The following SPAG16 variants were observed in gnomAD, a reference collection of about 807,000 sequenced individuals.
SPAG16 encodes sperm-associated antigen 16 protein.
SPAG16 carries 86 observed loss-of-function variants against 80.4 expected under a neutral mutation model. The ratio of observed to expected loss-of-function variants is 1.07; its 90% CI spans 0.90 to 1.28. The LOEUF is 1.28. Ranked by LOEUF, SPAG16 falls within the 50% of genes most tolerant of loss-of-function variation. SPAG16 has a pLI of 0.00. For synonymous variants in SPAG16, 294 were observed against 265.9 expected (o/e 1.11, Z -1.03); for missense variants, 870 against 765.3 (o/e 1.14, Z -1.61).
At chr2:213,328,303 G>T (rs993938462) in intron 5 of SPAG16, among the ~76,000 whole-genome samples, 2 of 152,006 alleles carry the variant, frequency 1.3e-5, no homozygotes, top group Admixed American at 1.3e-4. Flanking sequence ...TAAAATGAAT[G>T]TTCTAAGATC....
At chr2:213,382,545 CA>C (rs1228975425) in intron 9 of SPAG16, among the ~76,000 whole-genome samples, 1 of 152,134 alleles carries the variant, frequency 6.6e-6, no homozygotes, top group Non-Finnish European at 1.5e-5. Context: ...CCATAAGGCC[CA>C]AGGAGAATTG....
chr2:213,354,952 A>G (rs1023759074), intron 7 of SPAG16, among the ~76,000 whole-genome samples: 5 of 152,078 alleles, frequency 3.3e-5, no homozygotes, highest in Admixed American at 2.0e-4. Context: ...CCTATGTCCT[A>G]AATGGTATTG....
At chr2:213,940,837 C>T (rs2106286658) in intron 12 of SPAG16, among the ~76,000 whole-genome samples, 1 of 152,044 alleles carries the variant, frequency 6.6e-6, no homozygotes, top group Admixed American at 6.6e-5. Context: ...AACTTCTTAC[C>T]CCTAACTCTT....
In SPAG16 at chr2:214,327,804, T is replaced by A. The variant is rs142586315; in HGVS notation, c.1721-82336T>A. ...GAAAAACTTTGGTATAGATTCTTTTTTATTCAAATGCCCATTATTCTGAAA... is the reference window on the plus strand; with the variant it reads ...GAAAAACTTTGGTATAGATTCTTTTATATTCAAATGCCCATTATTCTGAAA... On this transcript the variant is annotated intron_variant, in intron 15 of 15. Coordinates refer to ENST00000331683, the MANE Select transcript of SPAG16 (RefSeq NM_024532.5). 5.4e-4 allele frequency among the ~76,000 whole-genome samples: 83 copies of A among 152,342 alleles called. 1 individual carries two copies. The East Asian group carries it at 0.013, about 24-fold the overall frequency.
At chr2:213,668,382 A>G (rs2125210158) in intron 10 of SPAG16, among the ~76,000 whole-genome samples, 1 of 152,172 alleles carries the variant, frequency 6.6e-6, no homozygotes, top group East Asian at 1.9e-4. Context: ...AAATTCTATT[A>G]AAACAATTCA....
chr2:214,061,681 A>T (rs955317727), intron 13 of SPAG16, among the ~76,000 whole-genome samples: 1 of 146,420 alleles, frequency 6.8e-6, no homozygotes, highest in African/African-American at 2.5e-5. Context: ...CCTTCATAGA[A>T]ACATCTAGGC....
chr2:214,372,217 T>C (rs1326202053), intron 15 of SPAG16, among the ~76,000 whole-genome samples: 4 of 152,178 alleles, frequency 2.6e-5, no homozygotes, highest in African/African-American at 9.7e-5. Flanking sequence ...GGGACCTAAA[T>C]TTCATGCTGT....
chr2:213,852,925 A>G (rs1169373323), intron 10 of SPAG16, among the ~76,000 whole-genome samples: 1 of 152,234 alleles, frequency 6.6e-6, no homozygotes, highest in African/African-American at 2.4e-5. Flanking sequence ...GCACATCACG[A>G]TATAAGATGC....
intron 10 of SPAG16, among the ~76,000 whole-genome samples, chr2:213,563,009 A>G (rs953300317): frequency 1.3e-5 from 2 of 152,222 alleles, no homozygotes; most frequent in Admixed American, 6.5e-5. Context: ...ATTTCAACAT[A>G]GGAATTTGGC....
At chr2:213,910,098 G>C (rs2077598804) in intron 11 of SPAG16, among the ~76,000 whole-genome samples, 1 of 152,022 alleles carries the variant, frequency 6.6e-6, no homozygotes, top group Non-Finnish European at 1.5e-5. Context: ...ATTAGATTTT[G>C]GTTGTATGTA....
intron 15 of SPAG16, among the ~76,000 whole-genome samples, chr2:214,405,284 G>A (rs1386389535): frequency 6.6e-6 from 1 of 151,880 alleles, no homozygotes; most frequent in Non-Finnish European, 1.5e-5. Context: ...CACCATACCT[G>A]GCTAATTTTC....
At chr2:213,737,238 G>A (rs940940138) in intron 10 of SPAG16, among the ~76,000 whole-genome samples, 2 of 151,994 alleles carry the variant, frequency 1.3e-5, no homozygotes, top group African/African-American at 4.8e-5. Context: ...AGCAAAAAGG[G>A]GAATCTACAC....
At chr2:214,203,792 A>G (rs1408504254) in intron 15 of SPAG16, among the ~76,000 whole-genome samples, 1 of 152,150 alleles carries the variant, frequency 6.6e-6, no homozygotes, top group East Asian at 1.9e-4. Flanking sequence ...CTTCGTAACA[A>G]TTTCAACCAA....
At chr2:214,324,463 C>CTT (rs1389171375) in intron 15 of SPAG16, among the ~76,000 whole-genome samples, 4 of 152,188 alleles carry the variant, frequency 2.6e-5, no homozygotes, top group African/African-American at 9.6e-5. Flanking sequence ...GATTTCCTCT[C>CTT]TAAGAATATC....
chr2:214,019,073 T>TATAAAACCA (rs57494025), intron 13 of SPAG16, among the ~76,000 whole-genome samples: 2 of 151,942 alleles, frequency 1.3e-5, no homozygotes, highest in South Asian at 2.1e-4. Context: ...TCTTCAAAGT[T>TATAAAACCA]GAAGACTATT....
At chr2:214,252,483 C>T (rs1690366778) in intron 15 of SPAG16, among the ~76,000 whole-genome samples, 1 of 145,306 alleles carries the variant, frequency 6.9e-6, no homozygotes, top group Non-Finnish European at 1.5e-5. Context: ...ATGTGATGTT[C>T]CCCTCCCTGT....
intron 10 of SPAG16, among the ~76,000 whole-genome samples, chr2:213,706,542 A>C (rs919590651): frequency 2.0e-5 from 3 of 152,222 alleles, no homozygotes; most frequent in Non-Finnish European, 4.4e-5. Flanking sequence ...TTCTTGCCTC[A>C]AATACTGAAA....
intron 10 of SPAG16, among the ~76,000 whole-genome samples, chr2:213,531,359 A>AGAGTGT (rs1553558587): frequency 2.8e-5 from 4 of 142,018 alleles, no homozygotes; most frequent in Non-Finnish European, 4.6e-5. Context: ...AAAAGATGTG[A>AGAGTGT]GTGTGTGTGT....
intron 10 of SPAG16, among the ~76,000 whole-genome samples, chr2:213,630,135 G>A (rs946360584): frequency 1.3e-4 from 20 of 152,154 alleles, no homozygotes; most frequent in African/African-American, 4.6e-4. Context: ...TGTAATCCCA[G>A]CACTTTGGGA....
Sources: allele counts gnomAD v4.1 joint callset (sites outside exome capture counted in the v4.1 genomes callset), GRCh38; gene constraint gnomAD v4.1.1; transcripts MANE v1.5; gene names NCBI Gene and HGNC (gene_info 2026-07-23, HGNC 2026-07-21).